Variants in UTRN observed in about 807,000 individuals in gnomAD.
The protein encoded by UTRN is dystrophin-related protein 1.
Under a neutral mutation model 463.9 loss-of-function variants are expected in UTRN, and 283 were observed. That is an observed-to-expected ratio of 0.61 (90% CI 0.55 to 0.67). UTRN has a LOEUF of 0.67. UTRN is among the 30% of genes least tolerant of loss of function. The pLI is 0.00. For synonymous variants in UTRN, 1,442 were observed against 1,431.5 expected, an observed-to-expected ratio of 1.01 and a Z score of -0.17; for missense variants, 3,922 against 4,084.3, an observed-to-expected ratio of 0.96 and a Z score of 1.08.
At chr6:144,289,045 C>T (rs190572879) in intron 1 of UTRN, among the ~76,000 whole-genome samples, 1 of 152,352 alleles carries the variant, frequency 6.6e-6, no homozygotes, top group East Asian at 1.9e-4. Context: ...AGTGATCTGC[C>T]TGCCTCAGCC....
At chr6:144,818,364 GA>G (rs35257652) in intron 65 of UTRN, among the ~76,000 whole-genome samples, 16,634 of 152,104 alleles carry the variant, frequency 0.11, 1,255 homozygotes, top group East Asian at 0.45. Flanking sequence ...TGAATTCACT[GA>G]AAACCACTGA....
intron 34 of UTRN, among the ~76,000 whole-genome samples, chr6:144,509,110 A>G (rs1166963574): frequency 6.6e-6 from 1 of 152,150 alleles, no homozygotes; most frequent in Non-Finnish European, 1.5e-5. Flanking sequence ...CCTTGAATTC[A>G]TACATTTGTG....
intron 1 of UTRN, among the ~76,000 whole-genome samples, chr6:144,289,886 T>G (rs1804052883): frequency 6.6e-6 from 1 of 152,068 alleles, no homozygotes; most frequent in Non-Finnish European, 1.5e-5. Flanking sequence ...ACTCCTGAAC[T>G]CAGGTGATGC....
intron 2 of UTRN, among the ~76,000 whole-genome samples, chr6:144,380,783 G>T (rs1400258691): frequency 6.6e-6 from 1 of 152,080 alleles, no homozygotes; most frequent in Non-Finnish European, 1.5e-5. Context: ...TTGCACTCCA[G>T]CCTGAAGCCT....
chr6:144,550,514 T>C (rs2128611487), intron 47 of UTRN, among the ~76,000 whole-genome samples: 1 of 152,326 alleles, frequency 6.6e-6, no homozygotes, highest in South Asian at 2.1e-4. Context: ...TAGTTATTCC[T>C]CTTAGCACTT....
intron 53 of UTRN, among the ~76,000 whole-genome samples, chr6:144,703,036 C>G (rs1460327942): frequency 2.6e-5 from 4 of 152,068 alleles, no homozygotes; most frequent in Admixed American, 2.6e-4. Context: ...GAGTTCAGCA[C>G]TATTTCAGTA....
intron 33 of UTRN, among the ~76,000 whole-genome samples, chr6:144,497,233 G>T (rs557134710): frequency 6.6e-6 from 1 of 152,236 alleles, no homozygotes; most frequent in East Asian, 1.9e-4. Flanking sequence ...AACTAGGATG[G>T]AGAGTGGAGA....
intron 2 of UTRN, among the ~76,000 whole-genome samples, chr6:144,364,501 C>A (rs1235349840): frequency 1.3e-5 from 2 of 152,178 alleles, no homozygotes; most frequent in Non-Finnish European, 2.9e-5. Flanking sequence ...GCACCCACAG[C>A]TTTGCTCTCC....
chr6:144,784,475 C>T (rs373619017), intron 61 of UTRN, among the ~76,000 whole-genome samples: 4 of 152,140 alleles, frequency 2.6e-5, no homozygotes, highest in African/African-American at 9.7e-5. Context: ...TCTAAGGACA[C>T]CAGTCATATC....
intron 65 of UTRN, among the ~76,000 whole-genome samples, chr6:144,814,552 C>G (rs1240598258): frequency 1.3e-5 from 2 of 151,770 alleles, no homozygotes; most frequent in African/African-American, 4.8e-5. Context: ...ATTATACAAC[C>G]AAAAAAATGA....
Position 144,297,805 on chromosome 6 carries a change from A to T in UTRN, c.79+5898A>T, listed in dbSNP as rs567140798. On this transcript the variant is annotated intron_variant, in intron 2 of 74. Transcript: ENST00000367545. ...GAGAAAGTTTTTTTGTATTAATGTG[A>T]TTCTCATGACCTGTTACTATGGTTG... Among the ~76,000 whole-genome samples the T allele has an allele frequency of 3.3e-5, 5 of 152,310 alleles. No individual in the cohort carries two copies. The South Asian group carries it at 6.2e-4, about 19-fold the overall frequency.
intron 25 of UTRN, among the ~76,000 whole-genome samples, chr6:144,477,184 G>A (rs554379370): frequency 1.3e-5 from 2 of 152,182 alleles, no homozygotes; most frequent in African/African-American, 2.4e-5. Flanking sequence ...TTTCCCAATT[G>A]CTTTGATTTT....
At chr6:144,587,030 A>T (rs777944918) in intron 51 of UTRN, among the ~76,000 whole-genome samples, 3 of 152,188 alleles carry the variant, frequency 2.0e-5, no homozygotes, top group Non-Finnish European at 4.4e-5. Context: ...CATATATGCC[A>T]TGGTGAAATC....
chr6:144,843,002 C>G (rs1406290881), intron 73 of UTRN, among the ~76,000 whole-genome samples: 1 of 152,090 alleles, frequency 6.6e-6, no homozygotes, highest in African/African-American at 2.4e-5. Flanking sequence ...AATTATAATT[C>G]AAGGTCAAAT....
At chr6:144,765,323 A>C (rs1793179221) in intron 58 of UTRN, among the ~76,000 whole-genome samples, 1 of 152,156 alleles carries the variant, frequency 6.6e-6, no homozygotes, top group African/African-American at 2.4e-5. Context: ...TTGACATCTT[A>C]TATTTTGGGG....
chr6:144,328,675 C>G (rs1460276455), intron 2 of UTRN, among the ~76,000 whole-genome samples: 1 of 152,068 alleles, frequency 6.6e-6, no homozygotes, highest in Non-Finnish European at 1.5e-5. Flanking sequence ...CTTGGTGCAT[C>G]AGATGTTTAT....
chr6:144,823,731 A>G (rs1205511039), intron 66 of UTRN, among the ~76,000 whole-genome samples: 1 of 152,190 alleles, frequency 6.6e-6, no homozygotes, highest in African/African-American at 2.4e-5. Flanking sequence ...AGAATACTCC[A>G]TTGAAAATAA....
At chr6:144,540,877 A>G (rs1419203218) in intron 45 of UTRN, among the ~76,000 whole-genome samples, 1 of 152,238 alleles carries the variant, frequency 6.6e-6, no homozygotes, top group Non-Finnish European at 1.5e-5. Flanking sequence ...ATGTAGCAGA[A>G]GTTTGACAGT....
chr6:144,650,768 G>C (rs1778734550), intron 51 of UTRN, among the ~76,000 whole-genome samples: 1 of 152,104 alleles, frequency 6.6e-6, no homozygotes, highest in Non-Finnish European at 1.5e-5. Flanking sequence ...AATTAGCCAG[G>C]TGTGGTGGCA....
Sources: allele counts gnomAD v4.1 joint callset (sites outside exome capture counted in the v4.1 genomes callset), GRCh38; gene constraint gnomAD v4.1.1; transcripts MANE v1.5; gene names NCBI Gene and HGNC (gene_info 2026-07-23, HGNC 2026-07-21).